Variants in GSE1 observed in about 807,000 individuals in gnomAD.
GSE1 encodes genetic suppressor element 1.
Under a neutral mutation model 112.6 loss-of-function variants are expected in GSE1, and 32 were observed. That is an observed-to-expected ratio of 0.28 (90% CI 0.21 to 0.38). The LOEUF is 0.38. GSE1 is among the 10% of genes least tolerant of loss of function. GSE1 has a pLI of 1.00. For missense variants in GSE1, 2,348 were observed against 1,699.2 expected (o/e 1.38, Z -6.71); for synonymous variants, 1,115 against 735.6 (o/e 1.52, Z -8.35).
intron 1 of GSE1, among the ~76,000 whole-genome samples, chr16:85,213,660 G>A (rs1313340532): frequency 6.6e-6 from 1 of 152,250 alleles, no homozygotes; most frequent in African/African-American, 2.4e-5. Context: ...GCTCTGCTGT[G>A]TGAGGAAGAC....
At chr16:85,273,515 A>G (rs140760383) in intron 1 of GSE1, among the ~76,000 whole-genome samples, 2,787 of 152,028 alleles carry the variant, frequency 0.018, 47 homozygotes, top group Non-Finnish European at 0.026. Context: ...AGCATGGATC[A>G]ACCATGAAAA....
chr16:85,291,961 T>A (rs985486455), intron 1 of GSE1, among the ~76,000 whole-genome samples: 5 of 152,174 alleles, frequency 3.3e-5, no homozygotes, highest in African/African-American at 1.2e-4. Context: ...GCCCTGCCCT[T>A]GACCCTGGGA....
chr16:85,469,311 AGAG>A (rs996773588), intron 2 of GSE1, among the ~76,000 whole-genome samples: 58 of 151,972 alleles, frequency 3.8e-4, no homozygotes, highest in African/African-American at 1.3e-3. Context: ...GAGAGACAGA[AGAG>A]GAGAAAACAC....
At chr16:85,641,193 C>T (rs1326794277) in intron 2 of GSE1, among the ~76,000 whole-genome samples, 4 of 152,278 alleles carry the variant, frequency 2.6e-5, no homozygotes, top group South Asian at 2.1e-4. Context: ...CTCGTCCTAA[C>T]GTCCCACCTC....
chr16:85,579,211 C>G (rs77076843), intron 1 of GSE1, among the ~76,000 whole-genome samples: 1,629 of 152,182 alleles, frequency 0.011, 28 homozygotes, highest in African/African-American at 0.038. Context: ...GTGGAGGGGA[C>G]CCTCCCCTCT....
At chr16:85,587,559 C>T (rs1306382453) in intron 1 of GSE1, among the ~76,000 whole-genome samples, 1 of 151,480 alleles carries the variant, frequency 6.6e-6, no homozygotes, top group Non-Finnish European at 1.5e-5. Flanking sequence ...CTAGGTACAT[C>T]CAGGTACGAT....
At position 85,666,158 on chromosome 16, in the gene GSE1, G is replaced by A. The variant is rs774512681; in HGVS notation, c.2941G>A (p.Gly981Arg). 5.6e-6 allele frequency: 9 copies of A among 1,613,266 alleles called. No individual in the cohort carries two copies. In the African/African-American group the frequency reaches 8.0e-5, roughly 14 times the overall value. Residue 981 changes from glycine to arginine, a missense_variant, in exon 13 of 16, where the codon GGA becomes AGA. By Grantham distance (125) the Gly-to-Arg change is moderately radical (BLOSUM62 -2). Transcript: ENST00000253458. Reference sequence around the variant, plus strand: ...GAAGGCCAGGCTGAGCGAGGCCCCTGGAGGCAAAAAGAGTCTGAGCATGCT... The same window carrying A: ...GAAGGCCAGGCTGAGCGAGGCCCCTAGAGGCAAAAAGAGTCTGAGCATGCT... ...GEKARLSEAP[G>R]GKKSLSMLHY...
chr16:85,572,348 A>G (rs1410906275), intron 1 of GSE1, among the ~76,000 whole-genome samples: 1 of 144,330 alleles, frequency 6.9e-6, no homozygotes, highest in Admixed American at 6.9e-5. Context: ...ACCCCTCCAC[A>G]CACAACACAC....
chr16:85,516,195 G>T (rs1232977668), intron 2 of GSE1, among the ~76,000 whole-genome samples: 1 of 151,960 alleles, frequency 6.6e-6, no homozygotes, highest in East Asian at 1.9e-4. Context: ...ACTCACTCCT[G>T]GGAGGCCTGG....
chr16:85,368,230 G>A (rs2047226672), intron 2 of GSE1, among the ~76,000 whole-genome samples: 2 of 152,132 alleles, frequency 1.3e-5, no homozygotes, highest in African/African-American at 4.8e-5. Flanking sequence ...GGTTCTTACT[G>A]CATTCCAGAA....
chr16:85,556,231 C>T, exon 1 of GSE1: 1 of 984,902 alleles, frequency 1.0e-6, no homozygotes, highest in South Asian at 4.7e-5. Flanking sequence ...TTTTTGAGCG[C>T]CGTGGCTTGA....
intron 1 of GSE1, among the ~76,000 whole-genome samples, chr16:85,349,225 C>G (rs1481631927): frequency 6.6e-6 from 1 of 152,174 alleles, no homozygotes; most frequent in African/African-American, 2.4e-5. Context: ...TCCCCCTGAC[C>G]CGAAGCCTTA....
chr16:85,661,574 G>A lies in GSE1; in HGVS notation c.2069G>A (p.Arg690Gln), dbSNP rs201629728. 51 of 1,610,622 alleles carry A rather than the reference G, an allele frequency of 3.2e-5. No individual in the cohort carries two copies. Among genetic ancestry groups the A allele is most frequent in the East Asian group, 2.7e-4 (12 of 44,784 alleles). The change falls in exon 9 of 16, where the codon CGG becomes CAG. Residue 690 changes from arginine (R) to glutamine (Q), a missense_variant. Physicochemically the swap from Arg to Gln is conservative, Grantham distance 43. Transcript: ENST00000253458. ...ACCCAGACCATCCTGGGCCAGCAGC[G>A]GGCCTCCCTCCCACAGGCGGCCACC... Reference protein sequence around the residue: ...KSTQTILGQQRASLPQAATFG... With the variant: ...KSTQTILGQQQASLPQAATFG...
chr16:85,565,849 T>C (rs1265661582), intron 1 of GSE1, among the ~76,000 whole-genome samples: 1 of 152,068 alleles, frequency 6.6e-6, no homozygotes, highest in Non-Finnish European at 1.5e-5. Context: ...AGGAGTTGGG[T>C]CCCGATGGCG....
At chr16:85,176,542 C>T (rs933574860) in intron 1 of GSE1, among the ~76,000 whole-genome samples, 1 of 152,246 alleles carries the variant, frequency 6.6e-6, no homozygotes, top group African/African-American at 2.4e-5. Context: ...GAGCTCCCGT[C>T]GAAGATGGGT....
intron 13 of GSE1, 39 bp downstream of exon 13, chr16:85,666,386 G>A (rs762966209): frequency 1.2e-6 from 2 of 1,610,202 alleles, no homozygotes; most frequent in African/African-American, 2.7e-5. Flanking sequence ...TCTCGGCTGT[G>A]GTTGAGGCTG....
intron 2 of GSE1, among the ~76,000 whole-genome samples, chr16:85,448,949 G>C (rs1225376319): frequency 1.3e-5 from 2 of 152,162 alleles, no homozygotes; most frequent in East Asian, 1.9e-4. Flanking sequence ...GAAAATCCAG[G>C]AGCTGTTTGC....
intron 1 of GSE1, among the ~76,000 whole-genome samples, chr16:85,209,570 C>T (rs2075188296): frequency 6.6e-6 from 1 of 152,194 alleles, no homozygotes; most frequent in Non-Finnish European, 1.5e-5. Flanking sequence ...AAGCAACTCA[C>T]AGTTCCAGAA....
intron 2 of GSE1, among the ~76,000 whole-genome samples, chr16:85,383,546 TCTCTCTCTCTCTCTCTCTCTC>T (rs2047613430): frequency 6.4e-5 from 1 of 15,660 alleles, no homozygotes; most frequent in African/African-American, 1.0e-4. Context: ...TCTCTCTCTC[TCTCTCTCTCTCTCTCTCTCTC>T]TCTCTCTGAC....
Sources: allele counts gnomAD v4.1 joint callset (sites outside exome capture counted in the v4.1 genomes callset), GRCh38; gene constraint gnomAD v4.1.1; transcripts MANE v1.5; gene names NCBI Gene and HGNC (gene_info 2026-07-23, HGNC 2026-07-21).